Variants in FMN1 observed in about 807,000 individuals in gnomAD.
FMN1 encodes the protein formin-1.
FMN1 carries 110 observed loss-of-function variants against 132.4 expected under a neutral mutation model. The ratio of observed to expected loss-of-function variants is 0.83; its 90% CI spans 0.71 to 0.97. FMN1 has a LOEUF of 0.97. Among genes scored for constraint, FMN1 ranks in the 50% least tolerant of loss-of-function variants. The pLI, the probability that FMN1 is intolerant of heterozygous loss-of-function variation, is 0.00. For synonymous variants in FMN1, 722 were observed against 651.7 expected (o/e 1.11, Z -1.64); for missense variants, 1,792 against 1,705.3 (o/e 1.05, Z -0.90).
chr15:32,962,771 T>C (rs1022826599), intron 9 of FMN1, among the ~76,000 whole-genome samples: 19 of 151,330 alleles, frequency 1.3e-4, no homozygotes, highest in Non-Finnish European at 4.4e-5. Context: ...ATCAGAGAAA[T>C]GCAAATCAAA....
At chr15:32,978,653 GA>G (rs2032403146) in intron 7 of FMN1, among the ~76,000 whole-genome samples, 1 of 152,200 alleles carries the variant, frequency 6.6e-6, no homozygotes, top group Non-Finnish European at 1.5e-5. Context: ...AAGCTTAGAA[GA>G]AACAGATGAT....
At chr15:33,017,975 G>A (rs998862751) in intron 6 of FMN1, among the ~76,000 whole-genome samples, 61 of 151,584 alleles carry the variant, frequency 4.0e-4, no homozygotes, top group African/African-American at 1.4e-3. Flanking sequence ...AGAGGTAGGA[G>A]AATCACTTGA....
chr15:33,037,083 T>C lies in FMN1; in HGVS notation c.2161+27874A>G, dbSNP rs573739142. Among the ~76,000 whole-genome samples the C allele has an allele frequency of 1.6e-4, 25 of 152,378 alleles. 1 individual carries two copies. Among genetic ancestry groups the C allele is most frequent in the Middle Eastern group, 3.4e-3 (1 of 294 alleles). ...TGATTTCAAAATTGACCTGGAACTC[T>C]TCAGTTATGACTTCCTCAATTTCTG... On this transcript the variant is annotated intron_variant, in intron 6 of 20. Transcript: ENST00000616417.
intron 4 of FMN1, 121 bp from the exon 5 acceptor site, chr15:33,089,095 TTATA>T: frequency 1.1e-5 from 9 of 796,038 alleles, no homozygotes; most frequent in Non-Finnish European, 1.7e-5. Context: ...GCTTTCTAAG[TTATA>T]TTTTTAAGAG....
chr15:33,190,085 TGCTC>T lies in FMN1; in HGVS notation c.-197+3820_-197+3823del, dbSNP rs1966022597. Among the ~76,000 whole-genome samples the T allele has an allele frequency of 1.1e-4, 17 of 152,354 alleles. No individual in the cohort carries two copies. The South Asian group carries it at 3.3e-3, about 30-fold the overall frequency. On this transcript the variant is annotated intron_variant, in intron 2 of 20. Coordinates refer to ENST00000616417, the MANE Select transcript of FMN1 (RefSeq NM_001277313.2). ...GAACACATTTAAACATAACAATGTT[TGCTC>T]AGTTGTAATTCTCACAGAGGAGGAA...
At chr15:33,074,288 A>C (rs1439829591) in intron 5 of FMN1, among the ~76,000 whole-genome samples, 1 of 152,250 alleles carries the variant, frequency 6.6e-6, no homozygotes, top group East Asian at 1.9e-4. Context: ...CAGGAATATA[A>C]AGCCAAACAA....
At chr15:33,114,774 G>A (rs1187062246) in intron 4 of FMN1, among the ~76,000 whole-genome samples, 1 of 152,058 alleles carries the variant, frequency 6.6e-6, no homozygotes, top group Non-Finnish European at 1.5e-5. Flanking sequence ...AACAACTACA[G>A]AACTATCATT....
intron 9 of FMN1, among the ~76,000 whole-genome samples, chr15:32,958,889 A>C (rs1237028041): frequency 1.3e-5 from 2 of 151,982 alleles, no homozygotes; most frequent in African/African-American, 2.4e-5. Context: ...TAAAAATATA[A>C]AAATTAGCTG....
intron 16 of FMN1, among the ~76,000 whole-genome samples, chr15:32,864,601 C>A (rs1401454759): frequency 6.6e-6 from 1 of 152,126 alleles, no homozygotes; most frequent in Admixed American, 6.5e-5. Context: ...TTAAAGTGGT[C>A]AAAAAACTCC....
At chr15:32,952,433 G>A (rs2061674350) in intron 9 of FMN1, among the ~76,000 whole-genome samples, 2 of 152,176 alleles carry the variant, frequency 1.3e-5, no homozygotes, top group Admixed American at 1.3e-4. Context: ...GTTAATTAAT[G>A]TGTCTTATCC....
intron 5 of FMN1, among the ~76,000 whole-genome samples, chr15:33,088,509 C>T (rs916952020): frequency 6.6e-6 from 1 of 152,166 alleles, no homozygotes; most frequent in Non-Finnish European, 1.5e-5. Context: ...CCAGTGGGTA[C>T]TCCCACAATG....
chr15:33,064,226 C>T (rs2037613224), intron 6 of FMN1: 2 of 152,104 alleles, frequency 1.3e-5, no homozygotes, highest in Admixed American at 1.3e-4. Flanking sequence ...AAATATAAGC[C>T]ACGTATAGGT....
chr15:32,977,269 T>C (rs973216695), intron 7 of FMN1, among the ~76,000 whole-genome samples: 8 of 152,300 alleles, frequency 5.3e-5, no homozygotes, highest in Admixed American at 5.2e-4. Flanking sequence ...ATAGACTAAA[T>C]CTACTATCCA....
At chr15:32,830,072 G>C (rs951024752) in intron 17 of FMN1, among the ~76,000 whole-genome samples, 4 of 151,964 alleles carry the variant, frequency 2.6e-5, no homozygotes, top group African/African-American at 9.7e-5. Flanking sequence ...ACTAGTGAAG[G>C]GAAATTCACT....
In FMN1 at chr15:33,079,925, GTTCTT is replaced by G. The variant is rs2038381983; in HGVS notation, c.2043+8869_2043+8873del. Among the ~76,000 whole-genome samples, 4 of 151,972 alleles carry G rather than the reference GTTCTT, an allele frequency of 2.6e-5. No homozygotes were observed. In the South Asian group the frequency reaches 6.2e-4, roughly 24 times the overall value. The stretch of plus-strand genomic sequence containing the variant: ...ATTGATCAGTTCATCCCTTTGAATT[GTTCTT>G]TTCATCTGGATAATTTCTTGATCAC... On this transcript the variant is annotated intron_variant, in intron 5 of 20. Transcript: ENST00000616417.
chr15:32,929,194 T>C (rs1261380957), intron 9 of FMN1, among the ~76,000 whole-genome samples: 1 of 152,222 alleles, frequency 6.6e-6, no homozygotes, highest in Non-Finnish European at 1.5e-5. Context: ...GTTGGAGCAT[T>C]TTGTATTCTC....
At chr15:33,191,121 G>C (rs1966063456) in intron 2 of FMN1, among the ~76,000 whole-genome samples, 1 of 150,090 alleles carries the variant, frequency 6.7e-6, no homozygotes, top group African/African-American at 2.5e-5. Context: ...AGTGTGTTGA[G>C]ACCGTGCCAC....
At chr15:32,857,563 C>T (rs1189377574) in intron 16 of FMN1, among the ~76,000 whole-genome samples, 1 of 152,136 alleles carries the variant, frequency 6.6e-6, no homozygotes, top group Non-Finnish European at 1.5e-5. Context: ...GAACTACCAA[C>T]CTAGTGATTG....
Position 33,049,013 on chromosome 15 carries a change from G to A in FMN1, c.2161+15944C>T, listed in dbSNP as rs146353573. Among the ~76,000 whole-genome samples the A allele has an allele frequency of 3.0e-4, 46 of 152,246 alleles. No homozygotes were observed. The East Asian group carries it at 4.0e-3, about 13-fold the overall frequency. ...TGGATTTTCTTTCCTAAATTTAGAC[G>A]GTTAAAGGATTGTTTTAAATTAGGT... On this transcript the variant is annotated intron_variant, in intron 6 of 20. Coordinates refer to ENST00000616417, the MANE Select transcript of FMN1 (RefSeq NM_001277313.2).
Sources: allele counts gnomAD v4.1 joint callset (sites outside exome capture counted in the v4.1 genomes callset), GRCh38; gene constraint gnomAD v4.1.1; transcripts MANE v1.5; gene names NCBI Gene and HGNC (gene_info 2026-07-23, HGNC 2026-07-21).